The following EDIL3 variants were observed in gnomAD, a reference collection of about 807,000 sequenced individuals.
The protein encoded by EDIL3 is EGF like and discoidin domains 3.
In EDIL3, 37 loss-of-function variants were observed where a neutral mutation model predicts 67.4. The observed-to-expected ratio is 0.55, with a 90% CI of 0.42 to 0.72. The LOEUF (loss-of-function observed/expected upper bound fraction) is 0.72, where lower values mean the gene tolerates loss of function less well. EDIL3 is among the 30% of genes least tolerant of loss of function. EDIL3 has a pLI of 0.00. For missense variants in EDIL3, 527 were observed against 586.3 expected, an observed-to-expected ratio of 0.90 and a Z score of 1.04; for synonymous variants, 195 against 196.3, an observed-to-expected ratio of 0.99 and a Z score of 0.05.
chr5:83,950,141 A>C (rs1744393448), intron 10 of EDIL3, among the ~76,000 whole-genome samples: 2 of 151,872 alleles, frequency 1.3e-5, no homozygotes, highest in Admixed American at 1.3e-4. Flanking sequence ...CTGAAAGCTC[A>C]TTCCTGGACT....
chr5:84,067,835 C>A (rs114105393), intron 6 of EDIL3, among the ~76,000 whole-genome samples: 1 of 152,270 alleles, frequency 6.6e-6, no homozygotes, highest in African/African-American at 2.4e-5. Flanking sequence ...TAAAGAAAAT[C>A]TGGAGTTTTG....
At chr5:84,055,582 A>C (rs956014519) in intron 9 of EDIL3, among the ~76,000 whole-genome samples, 5 of 152,074 alleles carry the variant, frequency 3.3e-5, no homozygotes, top group African/African-American at 1.2e-4. Flanking sequence ...TAATATCCAG[A>C]ATCTACAAAG....
intron 9 of EDIL3, among the ~76,000 whole-genome samples, chr5:84,013,966 G>A (rs563327200): frequency 3.3e-5 from 5 of 152,134 alleles, no homozygotes; most frequent in Admixed American, 2.6e-4. Context: ...TTTTTAATGG[G>A]ACATGGTGCA....
chr5:84,384,040 G>C (rs1748160439), intron 1 of EDIL3, among the ~76,000 whole-genome samples: 1 of 152,058 alleles, frequency 6.6e-6, no homozygotes, highest in East Asian at 1.9e-4. Context: ...TCCTGGGGAC[G>C]CTGTCTTCTA....
intron 1 of EDIL3, among the ~76,000 whole-genome samples, chr5:84,283,393 T>G (rs917044817): frequency 2.0e-5 from 3 of 152,168 alleles, no homozygotes; most frequent in Non-Finnish European, 4.4e-5. Flanking sequence ...CTAACTTCAA[T>G]TTTTTCCATA....
intron 9 of EDIL3, among the ~76,000 whole-genome samples, chr5:84,055,159 T>G (rs1218950009): frequency 6.9e-6 from 1 of 145,392 alleles, no homozygotes; most frequent in Non-Finnish European, 1.5e-5. Flanking sequence ...ATAACACACA[T>G]CTACAACTAT....
chr5:84,354,213 C>A (rs1487126887), intron 1 of EDIL3, among the ~76,000 whole-genome samples: 1 of 151,276 alleles, frequency 6.6e-6, no homozygotes, highest in African/African-American at 2.4e-5. Context: ...CTTTGAATAC[C>A]AAGAATGCAC....
At chr5:84,258,681 C>T (rs373792438) in intron 1 of EDIL3, among the ~76,000 whole-genome samples, 19 of 152,238 alleles carry the variant, frequency 1.2e-4, no homozygotes, top group South Asian at 1.0e-3. Context: ...ATGAGTTATA[C>T]GGTTACTTAG....
intron 9 of EDIL3, among the ~76,000 whole-genome samples, chr5:84,002,779 C>G (rs888332367): frequency 2.6e-5 from 4 of 152,182 alleles, no homozygotes; most frequent in African/African-American, 9.6e-5. Flanking sequence ...CCATTGCTGC[C>G]TTTGGTCAGT....
At chr5:83,971,106 A>G (rs1380952850) in intron 9 of EDIL3, among the ~76,000 whole-genome samples, 5 of 151,278 alleles carry the variant, frequency 3.3e-5, no homozygotes, top group Non-Finnish European at 5.9e-5. Flanking sequence ...TCTGTCCTTA[A>G]TATTATAGAT....
rs575767465 is a variant in EDIL3, at chr5:84,224,385, A to G, written c.226+5470T>C. On this transcript the variant is annotated intron_variant, in intron 3 of 10. Coordinates refer to ENST00000296591, the MANE Select transcript of EDIL3 (RefSeq NM_005711.5). ...GAATAAACTTGATTTGCTACACCTTATAGTTAAATTATATTTTATATGGAT... is the reference window on the plus strand; with the variant it reads ...GAATAAACTTGATTTGCTACACCTTGTAGTTAAATTATATTTTATATGGAT... 2.0e-5 allele frequency among the ~76,000 whole-genome samples: 3 copies of G among 151,722 alleles called. No individual in the cohort carries two copies. In the East Asian group the frequency reaches 5.8e-4, roughly 29 times the overall value.
At chr5:84,018,399 C>A (rs1298433061) in intron 9 of EDIL3, among the ~76,000 whole-genome samples, 1 of 152,098 alleles carries the variant, frequency 6.6e-6, no homozygotes, top group Non-Finnish European at 1.5e-5. Flanking sequence ...AGATTCACTC[C>A]TTTCACGACA....
At chr5:84,245,364 GA>G in intron 2 of EDIL3, among the ~76,000 whole-genome samples, 1 of 152,010 alleles carries the variant, frequency 6.6e-6, no homozygotes, top group South Asian at 2.1e-4. Flanking sequence ...ATATTACTAT[GA>G]ATAAGTGAGC....
chr5:84,314,312 A>C lies in EDIL3; in HGVS notation c.68-60100T>G, dbSNP rs528571422. On this transcript the variant is annotated intron_variant, in intron 1 of 10. Transcript: ENST00000296591. ...GGAGAAGAGGGTAGGAACAGCATGT[A>C]GTAACTCCAATGACAAATCTCTCCC... is the stretch of plus-strand genomic sequence containing the variant. Among the ~76,000 whole-genome samples, 14 of 152,350 alleles carry C rather than the reference A, an allele frequency of 9.2e-5. No individual in the cohort carries two copies. In the South Asian group the frequency reaches 2.9e-3, roughly 32 times the overall value.
chr5:84,350,414 C>T (rs1200705743), intron 1 of EDIL3, among the ~76,000 whole-genome samples: 1 of 151,746 alleles, frequency 6.6e-6, no homozygotes, highest in Non-Finnish European at 1.5e-5. Flanking sequence ...GATGGGTATG[C>T]TGTTGAGATA....
At chr5:84,204,804 TAAAAAAA>T (rs11322668) in intron 3 of EDIL3, among the ~76,000 whole-genome samples, 2 of 138,396 alleles carry the variant, frequency 1.4e-5, no homozygotes, top group African/African-American at 5.3e-5. Flanking sequence ...GGCCAATATT[TAAAAAAA>T]AAAAAAAAAA....
At chr5:84,035,813 T>G (rs774813424) in intron 9 of EDIL3, among the ~76,000 whole-genome samples, 56 of 152,226 alleles carry the variant, frequency 3.7e-4, no homozygotes, top group Non-Finnish European at 7.5e-4. Flanking sequence ...TATATCTTTC[T>G]GAATTCTCAG....
At chr5:84,381,668 A>G (rs1171987124) in intron 1 of EDIL3, among the ~76,000 whole-genome samples, 1 of 152,200 alleles carries the variant, frequency 6.6e-6, no homozygotes, top group Non-Finnish European at 1.5e-5. Context: ...ATTTTTAGAC[A>G]GTGCCATTTG....
intron 9 of EDIL3, among the ~76,000 whole-genome samples, chr5:84,028,678 A>G (rs1745862232): frequency 6.6e-6 from 1 of 152,136 alleles, no homozygotes; most frequent in African/African-American, 2.4e-5. Flanking sequence ...ATACAAACAC[A>G]TATATGTATG....
Sources: gnomAD v4.1 joint callset for allele counts (sites outside exome capture counted in the v4.1 genomes callset) on GRCh38, gnomAD v4.1.1 for gene constraint, MANE v1.5 for transcripts, NCBI Gene and HGNC (gene_info 2026-07-23, HGNC 2026-07-21) for gene names.